FHIP2A: variants seen among roughly 807,000 people sequenced by gnomAD.
FHIP2A encodes the protein family with sequence similarity 160 member B1.
FHIP2A carries 46 observed loss-of-function variants against 93.5 expected under a neutral mutation model. That is an observed-to-expected ratio of 0.49 (90% confidence interval 0.39 to 0.63). The LOEUF (loss-of-function observed/expected upper bound fraction) is 0.63, where lower values mean the gene tolerates loss of function less well. FHIP2A is among the 20% of genes least tolerant of loss of function. The pLI is 0.00. For missense variants in FHIP2A, 769 were observed against 909.7 expected, an observed-to-expected ratio of 0.85 and a Z score of 1.99; for synonymous variants, 332 against 326.5, an observed-to-expected ratio of 1.02 and a Z score of -0.18.
rs2083816210 is a variant in FHIP2A at position 114,864,104 on chromosome 10, G to A, written c.*2564G>A. On this transcript the variant is annotated 3_prime_UTR_variant, in exon 17 of 17. Coordinates refer to ENST00000369248, the MANE Select transcript of FHIP2A (RefSeq NM_020940.4). ...TTGGTTTAATTGTACATTATTGTGT[G>A]TGTATATATGTATATATGTATATAT... is the stretch of plus-strand genomic sequence containing the variant. The A allele has an allele frequency of 1.0e-6, 1 of 983,058 alleles. No homozygotes were observed. Among genetic ancestry groups the A allele is most frequent in the Non-Finnish European group, 1.2e-6 (1 of 827,192 alleles). The allele number at this position is 983,058 out of a possible 1,614,324, so 60.9% of individuals were successfully genotyped here.
chr10:114,851,728 A>AAC (rs1206858834), intron 13 of FHIP2A, among the ~76,000 whole-genome samples: 14 of 151,426 alleles, frequency 9.2e-5, no homozygotes, highest in Non-Finnish European at 2.1e-4. Flanking sequence ...AAAAAAAAAA[A>AAC]AAAAAAAAGC....
chr10:114,890,750 T>C (rs1193038603), intron 16 of FHIP2A, among the ~76,000 whole-genome samples: 1 of 145,066 alleles, frequency 6.9e-6, no homozygotes, highest in Non-Finnish European at 1.5e-5. Flanking sequence ...GTATATGACA[T>C]ACATATAGTA....
chr10:114,879,610 C>T (rs1047934648), intron 16 of FHIP2A, among the ~76,000 whole-genome samples: 18 of 152,108 alleles, frequency 1.2e-4, no homozygotes, highest in Admixed American at 3.9e-4. Flanking sequence ...CAATAACAGA[C>T]GATTGCTCAA....
At chr10:114,887,181 G>A (rs1054052210) in intron 16 of FHIP2A, among the ~76,000 whole-genome samples, 1 of 152,114 alleles carries the variant, frequency 6.6e-6, no homozygotes, top group African/African-American at 2.4e-5. Context: ...TATTATCCAG[G>A]TGCACATGGC....
chr10:114,847,786 G>A (rs190812818), intron 12 of FHIP2A, among the ~76,000 whole-genome samples: 108 of 137,490 alleles, frequency 7.9e-4, no homozygotes, highest in Admixed American at 1.3e-3. Flanking sequence ...TCACTGTGTC[G>A]CCCAGGCTGG....
chr10:114,879,592 C>A (rs1264387675), intron 16 of FHIP2A, among the ~76,000 whole-genome samples: 1 of 152,194 alleles, frequency 6.6e-6, no homozygotes, highest in African/African-American at 2.4e-5. Context: ...TGGCATTCCC[C>A]TTTCTTGCAA....
At chr10:114,895,677 T>C (rs1259524816) in intron 16 of FHIP2A, among the ~76,000 whole-genome samples, 1 of 152,156 alleles carries the variant, frequency 6.6e-6, no homozygotes, top group Non-Finnish European at 1.5e-5. Context: ...CTTAAATGAG[T>C]TGCCTAAGGT....
downstream of FHIP2A, among the ~76,000 whole-genome samples, chr10:114,869,371 T>C (rs545290438): frequency 5.3e-5 from 8 of 152,336 alleles, no homozygotes; most frequent in Non-Finnish European, 1.0e-4. Context: ...GTTGCTCTTA[T>C]CAACAATGTA....
At chr10:114,879,746 G>A (rs1019580018) in intron 16 of FHIP2A, among the ~76,000 whole-genome samples, 1 of 152,140 alleles carries the variant, frequency 6.6e-6, no homozygotes, top group Admixed American at 6.5e-5. Context: ...AGGCTGGAGT[G>A]CAGTGACCCC....
chr10:114,836,280 A>G (rs2083636568), intron 5 of FHIP2A, 34 bp downstream of exon 5: 2 of 1,489,826 alleles, frequency 1.3e-6, no homozygotes, highest in African/African-American at 1.4e-5. Flanking sequence ...TTCAAACTGT[A>G]GTTATATTAA....
chr10:114,883,412 C>G (rs2083926694), intron 16 of FHIP2A, among the ~76,000 whole-genome samples: 1 of 152,082 alleles, frequency 6.6e-6, no homozygotes, highest in Admixed American at 6.6e-5. Context: ...AGAACATCCT[C>G]CCCTCACAAC....
At position 114,847,127 on chromosome 10, in the gene FHIP2A, C is replaced by T; in HGVS notation, c.1606C>T (p.Pro536Ser). ...EEDPLFTDIS[P>S]ENTLPNQEWL... is the part of the protein sequence containing the mutation. ...AGATCCATTATTTACTGACATTTCA[C>T]CAGAAAACACTTTGCCAAACCAAGA... Residue 536 changes from proline to serine, a missense_variant, in exon 12 of 17, where the codon CCA becomes TCA. By Grantham distance (74) the Pro-to-Ser change is moderately conservative. Transcript: ENST00000369248. 1 of 1,612,732 alleles carries T rather than the reference C, an allele frequency of 6.2e-7. No individual in the cohort carries two copies. Among genetic ancestry groups the T allele is most frequent in the Non-Finnish European group, 8.5e-7 (1 of 1,179,050 alleles).
At chr10:114,883,427 TC>T (rs1283256030) in intron 16 of FHIP2A, among the ~76,000 whole-genome samples, 2 of 152,002 alleles carry the variant, frequency 1.3e-5, no homozygotes, top group Non-Finnish European at 2.9e-5. Flanking sequence ...CACAACCCAC[TC>T]CCCAACAGCC....
chr10:114,833,976 C>T (rs1219426450), intron 3 of FHIP2A, among the ~76,000 whole-genome samples: 2 of 152,182 alleles, frequency 1.3e-5, no homozygotes, highest in African/African-American at 4.8e-5. Context: ...GCCAGGCTTC[C>T]AGTCCTGACA....
chr10:114,863,809 A>G lies in FHIP2A; in HGVS notation c.*2269A>G. On this transcript the variant is annotated 3_prime_UTR_variant, in exon 17 of 17. Transcript: ENST00000369248. ...CTAAAATGCACTATGCTGAGTGGAA[A>G]GCACCGTCATAACAATTGATTGCCA... 1.8e-6 allele frequency: 2 copies of G among 1,101,358 alleles called. No homozygotes were observed. The highest frequency in any genetic ancestry group is 4.4e-5 in the South Asian group (2 of 45,126). 68.2% of individuals were successfully genotyped at this position (1,101,358 alleles called of 1,614,324 possible). A position where few individuals can be genotyped will look rare whatever the true frequency, so the allele number is the denominator to read the frequency against.
chr10:114,893,869 G>T (rs1367221506), intron 16 of FHIP2A, among the ~76,000 whole-genome samples: 4 of 152,016 alleles, frequency 2.6e-5, no homozygotes, highest in African/African-American at 9.7e-5. Context: ...ATGTGCAAAA[G>T]CATTGAATAC....
At chr10:114,876,553 A>C (rs1296263232) in intron 16 of FHIP2A, among the ~76,000 whole-genome samples, 2 of 152,192 alleles carry the variant, frequency 1.3e-5, no homozygotes, top group Non-Finnish European at 1.5e-5. Flanking sequence ...CCAAGTAGGT[A>C]CTGGATGCAC....
intron 16 of FHIP2A, among the ~76,000 whole-genome samples, chr10:114,885,084 G>A (rs1218250287): frequency 6.6e-6 from 1 of 151,630 alleles, no homozygotes; most frequent in East Asian, 1.9e-4. Flanking sequence ...ACCTTCCTGG[G>A]GGAGAAAAAT....
rs754216183 is a variant in FHIP2A, at chr10:114,835,597, C to T, written c.355C>T (p.Arg119Trp). The change falls in exon 4 of 17, where the codon CGG becomes TGG. Residue 119 changes from arginine to tryptophan, a missense_variant. Transcript: ENST00000369248. ...VFYTKLLGRI[R>W]QPLLPHINVH... is the part of the protein sequence containing the mutation. ...CTATACGAAACTTCTGGGAAGAATC[C>T]GGCAGCCACTACTTCCACACATTAA... 48 of 1,612,810 alleles carry T rather than the reference C, an allele frequency of 3.0e-5. No homozygotes were observed. In the Middle Eastern group the frequency reaches 2.1e-3, roughly 72 times the overall value.
Sources: gnomAD v4.1 joint callset for allele counts (sites outside exome capture counted in the v4.1 genomes callset) on GRCh38, gnomAD v4.1.1 for gene constraint, MANE v1.5 for transcripts, NCBI Gene and HGNC (gene_info 2026-07-23, HGNC 2026-07-21) for gene names.